Variants in PSD3 observed in about 807,000 individuals in gnomAD.
The protein encoded by PSD3 is PH and SEC7 domain-containing protein 3.
PSD3 carries 49 observed loss-of-function variants against 105.5 expected under a neutral mutation model. That is an observed-to-expected ratio of 0.46 (90% confidence interval 0.37 to 0.59). The LOEUF is 0.59. Ranked by LOEUF, PSD3 falls within the 20% of genes least tolerant of loss-of-function variation. The probability of loss-of-function intolerance (pLI) is 0.00; values close to 1 mark genes in which losing one functional copy is unlikely to be tolerated. For missense variants in PSD3, 1,561 were observed against 1,263.8 expected (o/e 1.24, Z -3.57); for synonymous variants, 557 against 457.8 (o/e 1.22, Z -2.77).
At chr8:18,940,440 C>T (rs1463786843) in intron 1 of PSD3, 1 of 152,216 alleles carries the variant, frequency 6.6e-6, no homozygotes, top group Non-Finnish European at 1.5e-5. Context: ...TCAAAGTACG[C>T]TCAGACTATC....
chr8:18,700,900 G>T (rs946287145), intron 9 of PSD3, among the ~76,000 whole-genome samples: 1 of 152,078 alleles, frequency 6.6e-6, no homozygotes, highest in African/African-American at 2.4e-5. Context: ...TTATATATCT[G>T]TACTGATGTT....
At chr8:18,582,943 A>G (rs1802915574) in intron 12 of PSD3, among the ~76,000 whole-genome samples, 1 of 150,764 alleles carries the variant, frequency 6.6e-6, no homozygotes, top group African/African-American at 2.5e-5. Flanking sequence ...CTCCTGCCTC[A>G]GACTCCTGAG....
intron 2 of PSD3, among the ~76,000 whole-genome samples, chr8:18,922,016 A>T (rs1404551891): frequency 6.6e-6 from 1 of 152,234 alleles, no homozygotes; most frequent in Non-Finnish European, 1.5e-5. Context: ...TGGTTAGACC[A>T]AATAAATCAT....
chr8:18,942,254 C>T (rs1822593036), intron 1 of PSD3, among the ~76,000 whole-genome samples: 1 of 152,162 alleles, frequency 6.6e-6, no homozygotes, highest in African/African-American at 2.4e-5. Context: ...AAATTAAACA[C>T]TAAATTAAAG....
chr8:18,963,811 A>G (rs369115590), intron 1 of PSD3, among the ~76,000 whole-genome samples: 24 of 152,218 alleles, frequency 1.6e-4, no homozygotes, highest in African/African-American at 5.8e-4. Flanking sequence ...ACATGAAGCA[A>G]ATATGTCATT....
intron 1 of PSD3, among the ~76,000 whole-genome samples, chr8:18,957,946 A>G (rs1285260429): frequency 1.3e-5 from 2 of 152,208 alleles, no homozygotes; most frequent in Non-Finnish European, 2.9e-5. Context: ...GTAAGGAGGT[A>G]TAACCTTTTT....
chr8:18,910,873 G>C (rs1363602932), intron 2 of PSD3, among the ~76,000 whole-genome samples: 1 of 151,030 alleles, frequency 6.6e-6, no homozygotes, highest in Non-Finnish European at 1.5e-5. Context: ...AAAACAAACA[G>C]AAGTTCAAGG....
chr8:18,821,717 A>ACACACACACCCC (rs1554513425), intron 4 of PSD3, among the ~76,000 whole-genome samples: 68 of 141,210 alleles, frequency 4.8e-4, no homozygotes, highest in African/African-American at 1.0e-3. Flanking sequence ...ACACACACAC[A>ACACACACACCCC]CCCCAATAAC....
chr8:18,992,559 C>T (rs1002571953), intron 1 of PSD3, among the ~76,000 whole-genome samples: 2 of 152,134 alleles, frequency 1.3e-5, no homozygotes, highest in Non-Finnish European at 2.9e-5. Flanking sequence ...GAAAGCTTTT[C>T]TTTAGGAAAA....
At chr8:18,971,309 T>G (rs528127479) in intron 1 of PSD3, among the ~76,000 whole-genome samples, 2 of 152,320 alleles carry the variant, frequency 1.3e-5, no homozygotes, top group African/African-American at 4.8e-5. Flanking sequence ...GCCAAGGTCC[T>G]GCCACACCAC....
intron 1 of PSD3, among the ~76,000 whole-genome samples, chr8:19,074,485 T>C (rs942166292): frequency 2.0e-5 from 3 of 151,838 alleles, no homozygotes; most frequent in Non-Finnish European, 4.4e-5. Context: ...CTGAAATATG[T>C]ACTTCATTTC....
intron 2 of PSD3, among the ~76,000 whole-genome samples, chr8:18,894,753 C>A (rs1003877491): frequency 3.9e-5 from 6 of 152,152 alleles, no homozygotes; most frequent in Non-Finnish European, 7.3e-5. Context: ...AACTCCCACC[C>A]TATGATAATA....
intron 1 of PSD3, among the ~76,000 whole-genome samples, chr8:18,999,858 C>T (rs1245727980): frequency 6.6e-6 from 1 of 151,566 alleles, no homozygotes; most frequent in African/African-American, 2.4e-5. Flanking sequence ...AATATTTTCT[C>T]ACTGACTAAT....
rs145603523 is a variant in PSD3 at position 18,535,928 on chromosome 8, G to A, written c.2959C>T (p.Leu987Phe). The A allele has an allele frequency of 1.1e-4, 171 of 1,614,020 alleles. No homozygotes were observed. Among genetic ancestry groups the A allele is most frequent in the Non-Finnish European group, 1.4e-4 (163 of 1,180,018 alleles). Residue 987 changes from leucine to phenylalanine, a missense_variant, in exon 16 of 16, where the codon CTC becomes TTC. Coordinates refer to ENST00000327040, the MANE Select transcript of PSD3 (RefSeq NM_015310.4). ...KTRYEMYVSI[L>F]KEGGKELLSN... ...AGTAGCTCTTTGCCTCCTTCCTTGA[G>A]AATGCTGACATACATTTCATAGCGG... is the stretch of plus-strand genomic sequence containing the variant.
At chr8:19,074,845 C>T (rs923248868) in intron 1 of PSD3, among the ~76,000 whole-genome samples, 7 of 151,802 alleles carry the variant, frequency 4.6e-5, no homozygotes, top group Non-Finnish European at 8.8e-5. Context: ...TGGTCTCGAT[C>T]TCCTGACCTT....
chr8:18,793,372 G>GAAAAAAAAAAAA (rs112335496), intron 8 of PSD3, among the ~76,000 whole-genome samples: 2 of 125,430 alleles, frequency 1.6e-5, no homozygotes, highest in African/African-American at 3.2e-5. Flanking sequence ...TATCAAAATA[G>GAAAAAAAAAAAA]AAAAAAAAAA....
chr8:18,972,630 T>G (rs1824720566), intron 1 of PSD3, among the ~76,000 whole-genome samples: 1 of 152,196 alleles, frequency 6.6e-6, no homozygotes, highest in Non-Finnish European at 1.5e-5. Flanking sequence ...CATAAGGTAA[T>G]TAGGTCATAA....
intron 15 of PSD3, among the ~76,000 whole-genome samples, chr8:18,537,894 C>T (rs982949324): frequency 1.3e-5 from 2 of 152,186 alleles, no homozygotes; most frequent in East Asian, 1.9e-4. Flanking sequence ...CCAGGCTGGC[C>T]TCGAACTCCT....
intron 2 of PSD3, among the ~76,000 whole-genome samples, chr8:18,929,177 A>C: frequency 6.6e-6 from 1 of 152,194 alleles, no homozygotes; most frequent in Non-Finnish European, 1.5e-5. Context: ...AAGGATACAG[A>C]TTTGTTTAAT....
Sources: allele counts gnomAD v4.1 joint callset (sites outside exome capture counted in the v4.1 genomes callset), GRCh38; gene constraint gnomAD v4.1.1; transcripts MANE v1.5; gene names NCBI Gene and HGNC (gene_info 2026-07-23, HGNC 2026-07-21).